Variants in NPHP4 observed in about 807,000 individuals in gnomAD.
The protein encoded by NPHP4 is nephrocystin 4.
Under a neutral mutation model 155.8 loss-of-function variants are expected in NPHP4, and 151 were observed. The observed-to-expected ratio is 0.97, with a 90% CI of 0.85 to 1.11. The LOEUF (loss-of-function observed/expected upper bound fraction) is 1.11. Ranked by LOEUF, NPHP4 falls within the 50% of genes least tolerant of loss-of-function variation. The probability of loss-of-function intolerance (pLI) is 0.00; values close to 1 mark genes in which losing one functional copy is unlikely to be tolerated. For synonymous variants in NPHP4, 845 were observed against 816.8 expected, an observed-to-expected ratio of 1.03 and a Z score of -0.59; for missense variants, 1,956 against 1,925.7, an observed-to-expected ratio of 1.02 and a Z score of -0.29.
Position 5,964,937 on chromosome 1 carries a change from A to ATTTTTTT in NPHP4, c.517+2361_517+2362insAAAAAAA, listed in dbSNP as rs1400602210. 3.2e-3 allele frequency among the ~76,000 whole-genome samples: 175 copies of ATTTTTTT among 54,906 alleles called. 2 individuals are homozygous for ATTTTTTT. The highest frequency in any genetic ancestry group is 3.9e-3 in the South Asian group (7 of 1,806). The allele number at this position is 54,906 out of a possible 152,430, so 36.0% of individuals were successfully genotyped here. On this transcript the variant is annotated intron_variant, in intron 5 of 29. Coordinates refer to ENST00000378156, the MANE Select transcript of NPHP4 (RefSeq NM_015102.5). ...ATATATTATATATATATATATATATATATATTTTTTTTTTTTGAGGCAGGG... is the reference window on the plus strand; with the variant it reads ...ATATATTATATATATATATATATATATTTTTTTTATATTTTTTTTTTTTGAGGCAGGG...
chr1:5,900,298 G>A (rs1357971142), intron 16 of NPHP4, among the ~76,000 whole-genome samples: 2 of 152,202 alleles, frequency 1.3e-5, no homozygotes, highest in African/African-American at 4.8e-5. Flanking sequence ...GCCAAAAACT[G>A]TAAACAACCA....
At chr1:5,899,304 G>T (rs537366985) in intron 16 of NPHP4, among the ~76,000 whole-genome samples, 1 of 152,136 alleles carries the variant, frequency 6.6e-6, no homozygotes. Flanking sequence ...AGAATCACCC[G>T]ACACTGGGCT....
In NPHP4 at chr1:5,948,096, C is replaced by T; in HGVS notation, c.966G>A (p.Arg322=). ...VALTRSASFS[R]KVVSSSKTSS... is the part of the protein sequence containing the mutation. Reference sequence around the variant, plus strand: ...TGGTCTTGGAAGAGGAGACCACTTTCCTGCTGAAGCTAGCTGAGCGCGTCA... The same window carrying T: ...TGGTCTTGGAAGAGGAGACCACTTTTCTGCTGAAGCTAGCTGAGCGCGTCA... The change falls in exon 8 of 30, where the codon AGG becomes AGA. Residue 322 remains arginine, a synonymous_variant. Transcript: ENST00000378156. 6.2e-7 allele frequency: 1 copy of T among 1,613,944 alleles called. No homozygotes were observed. The highest frequency in any genetic ancestry group is 2.2e-5 in the East Asian group (1 of 44,876).
intron 6 of NPHP4, among the ~76,000 whole-genome samples, chr1:5,956,063 G>GGA (rs1553190508): frequency 2.0e-5 from 3 of 149,234 alleles, no homozygotes; most frequent in Non-Finnish European, 4.4e-5. Context: ...AAAAGCTGGG[G>GGA]GGGGGGGGTG....
chr1:5,938,485 C>T (rs1178951361), intron 9 of NPHP4, among the ~76,000 whole-genome samples: 5 of 152,212 alleles, frequency 3.3e-5, no homozygotes, highest in African/African-American at 1.2e-4. Flanking sequence ...AAATCGGATC[C>T]AGTACATGCA....
At chr1:5,924,648 T>C (rs1407642124) in intron 11 of NPHP4, among the ~76,000 whole-genome samples, 8 of 152,138 alleles carry the variant, frequency 5.3e-5, no homozygotes, top group Admixed American at 3.3e-4. Context: ...GCCATAACTA[T>C]ATCTTTATTT....
chr1:5,895,644 C>A (rs750473702), intron 16 of NPHP4, among the ~76,000 whole-genome samples: 1 of 152,194 alleles, frequency 6.6e-6, no homozygotes, highest in Non-Finnish European at 1.5e-5. Flanking sequence ...CCAGTGGCCC[C>A]GGGCAGCGGC....
chr1:5,915,686 G>A (rs570495898), intron 11 of NPHP4, among the ~76,000 whole-genome samples: 1 of 152,260 alleles, frequency 6.6e-6, no homozygotes, highest in South Asian at 2.1e-4. Flanking sequence ...GGAGTTCCGT[G>A]ACTTGCCAGA....
At chr1:5,922,242 G>T (rs563138565) in intron 11 of NPHP4, among the ~76,000 whole-genome samples, 6 of 152,196 alleles carry the variant, frequency 3.9e-5, no homozygotes, top group African/African-American at 4.8e-5. Flanking sequence ...GCACAGCCCC[G>T]CTGAGCCCTC....
intron 9 of NPHP4, among the ~76,000 whole-genome samples, chr1:5,941,289 C>CAAA (rs66676950): frequency 0.011 from 509 of 44,786 alleles, 28 homozygotes; most frequent in African/African-American, 0.039. Context: ...GAGATCTAGA[C>CAAA]AAAAAAAAAA....
chr1:5,888,471 C>A, intron 17 of NPHP4: 1 of 1,217,986 alleles, frequency 8.2e-7, no homozygotes, highest in Non-Finnish European at 1.0e-6. Context: ...TGACCCTTCC[C>A]TTGTGGGTCT....
chr1:5,875,171 G>T, intron 20 of NPHP4, 71 bp from the exon 21 acceptor site: 1 of 1,155,378 alleles, frequency 8.7e-7, no homozygotes, highest in Non-Finnish European at 1.3e-6. Flanking sequence ...ATTGCTGGCT[G>T]CCCACCACCC....
In NPHP4 at chr1:5,890,676, C is replaced by A. The variant is rs1431695655; in HGVS notation, c.2304+192G>T. Among the ~76,000 whole-genome samples, 1 of 152,168 alleles carries A rather than the reference C, an allele frequency of 6.6e-6. No individual in the cohort carries two copies. The highest frequency in any genetic ancestry group is 1.5e-5 in the Non-Finnish European group (1 of 68,026). ...AGCAAACAACTAGCATTATAGAATT[C>A]AGACAGTGAAAAATCTTTTCCTTTC... On this transcript the variant is annotated intron_variant, in intron 17 of 29. Coordinates refer to ENST00000378156, the MANE Select transcript of NPHP4 (RefSeq NM_015102.5). The surrounding 1 kb of genome is among the most constrained non-coding windows in gnomAD (Gnocchi z 4.9).
chr1:5,895,342 A>AG (rs397738239), intron 16 of NPHP4, among the ~76,000 whole-genome samples: 1 of 150,720 alleles, frequency 6.6e-6, no homozygotes, highest in Non-Finnish European at 1.5e-5. Flanking sequence ...TTAAAAAAAA[A>AG]TACAAAAATT....
intron 17 of NPHP4, chr1:5,888,381 C>G: frequency 9.1e-7 from 1 of 1,094,652 alleles, no homozygotes; most frequent in Non-Finnish European, 1.1e-6. Flanking sequence ...AGTGTGGGAG[C>G]AGATGAGGTT....
chr1:5,966,955 C>A (rs1247510018), intron 5 of NPHP4, among the ~76,000 whole-genome samples: 8 of 152,230 alleles, frequency 5.3e-5, no homozygotes, highest in Non-Finnish European at 8.8e-5. Flanking sequence ...TGGAGATAAC[C>A]GACGGCTGTG....
At chr1:5,957,193 A>G (rs879367493) in intron 6 of NPHP4, among the ~76,000 whole-genome samples, 7 of 152,176 alleles carry the variant, frequency 4.6e-5, no homozygotes, top group Non-Finnish European at 7.3e-5. Flanking sequence ...GGAATTCCCA[A>G]TAACAGCATT....
chr1:5,906,617 G>A (rs1644924942), intron 13 of NPHP4, among the ~76,000 whole-genome samples: 1 of 152,222 alleles, frequency 6.6e-6, no homozygotes, highest in Non-Finnish European at 1.5e-5. Flanking sequence ...CAGTTTGCAG[G>A]TGAACCAGCC....
Position 5,864,374 on chromosome 1 carries a change from G to C in NPHP4, c.3960C>G (p.Leu1320=), listed in dbSNP as rs778306754. ...GCGGCTGGCGGCAGCAGAGGCACACGAGCCAGGAGGCCACCAGCTGGTGGC... is the reference window on the plus strand; with the variant it reads ...GCGGCTGGCGGCAGCAGAGGCACACCAGCCAGGAGGCCACCAGCTGGTGGC... ...VDCHQLVASW[L]VCLCCRQPLI... The change falls in exon 28 of 30, where the codon CTC becomes CTG. Residue 1320 remains leucine, a synonymous_variant. Transcript: ENST00000378156. 6 of 1,609,968 alleles carry C rather than the reference G, an allele frequency of 3.7e-6. No homozygotes were observed. The highest frequency in any genetic ancestry group is 1.1e-5 in the South Asian group (1 of 90,814).
Sources: gnomAD v4.1 joint callset for allele counts (sites outside exome capture counted in the v4.1 genomes callset) on GRCh38, gnomAD v4.1.1 for gene constraint, Gnocchi (gnomAD v3.1) non-coding constraint, MANE v1.5 for transcripts, NCBI Gene and HGNC (gene_info 2026-07-23, HGNC 2026-07-21) for gene names.